LIMD1: variants seen among roughly 807,000 people sequenced by gnomAD.
The protein encoded by LIMD1 is LIM domain-containing protein 1.
In LIMD1, 23 loss-of-function variants were observed where a neutral mutation model predicts 58.4. The observed-to-expected ratio is 0.39, with a 90% CI of 0.28 to 0.56. The LOEUF is 0.56. LIMD1 is among the 20% of genes least tolerant of loss of function. LIMD1 has a pLI of 0.57. For synonymous variants in LIMD1, 334 were observed against 345.5 expected (o/e 0.97, Z 0.37); for missense variants, 838 against 855.5 (o/e 0.98, Z 0.25).
chr3:45,606,373 G>A (rs1026322906), intron 1 of LIMD1, among the ~76,000 whole-genome samples: 1 of 152,194 alleles, frequency 6.6e-6, no homozygotes, highest in African/African-American at 2.4e-5. Flanking sequence ...GTAGGTCAAG[G>A]CTGAGGTCTT....
intron 1 of LIMD1, among the ~76,000 whole-genome samples, chr3:45,608,110 A>G (rs967808529): frequency 1.3e-5 from 2 of 152,226 alleles, no homozygotes; most frequent in Non-Finnish European, 2.9e-5. Flanking sequence ...TTATCTTTAC[A>G]TTAAATGTGG....
Position 45,594,828 on chromosome 3 carries a change from C to A in LIMD1, c.-52C>A, listed in dbSNP as rs916523123. On this transcript the variant is annotated 5_prime_UTR_variant, in exon 1 of 8. Transcript: ENST00000273317. ...ACACACACACACACACACACACACA[C>A]ACACACACACACACACGGCACCTGG... 1.1e-5 allele frequency: 10 copies of A among 894,980 alleles called. No individual in the cohort carries two copies. Among genetic ancestry groups the A allele is most frequent in the South Asian group, 3.2e-5 (2 of 62,516 alleles). 55.4% of individuals were successfully genotyped at this position (894,980 alleles called of 1,614,324 possible).
chr3:45,675,507 C>A (rs1697655420), intron 7 of LIMD1, among the ~76,000 whole-genome samples: 1 of 151,896 alleles, frequency 6.6e-6, no homozygotes, highest in Admixed American at 6.6e-5. Flanking sequence ...CCAGCCTGGG[C>A]AACAGAGCAA....
chr3:45,620,738 A>G (rs1433398724), intron 1 of LIMD1, among the ~76,000 whole-genome samples: 2 of 152,250 alleles, frequency 1.3e-5, no homozygotes, highest in African/African-American at 4.8e-5. Context: ...CAAAAAACAA[A>G]CAAAAAGAAT....
At chr3:45,618,258 G>A (rs764032447) in intron 1 of LIMD1, among the ~76,000 whole-genome samples, 3 of 152,204 alleles carry the variant, frequency 2.0e-5, no homozygotes, top group Non-Finnish European at 2.9e-5. Context: ...GTCAGATTGC[G>A]TGCGTCATTC....
At chr3:45,662,161 T>C (rs537501393) in intron 2 of LIMD1, among the ~76,000 whole-genome samples, 6 of 152,232 alleles carry the variant, frequency 3.9e-5, no homozygotes, top group Non-Finnish European at 8.8e-5. Context: ...ACCCATTTTT[T>C]ATATAGGACT....
chr3:45,675,926 T>G lies in LIMD1; in HGVS notation c.1894-996T>G, dbSNP rs559319172. 2.6e-5 allele frequency among the ~76,000 whole-genome samples: 4 copies of G among 152,076 alleles called. 1 individual carries two copies. The South Asian group carries it at 8.3e-4, about 32-fold the overall frequency. On this transcript the variant is annotated intron_variant, in intron 7 of 7. Coordinates refer to ENST00000273317, the MANE Select transcript of LIMD1 (RefSeq NM_014240.3). ...CTAGGATCGTGTCACTGCACTCTACTCTGGGTGACACAGCAAGACCCTGTC... is the reference window on the plus strand; with the variant it reads ...CTAGGATCGTGTCACTGCACTCTACGCTGGGTGACACAGCAAGACCCTGTC...
At position 45,668,307 on chromosome 3, in the gene LIMD1, A is replaced by G; in HGVS notation, c.1592A>G (p.Gln531Arg). 6.2e-7 allele frequency: 1 copy of G among 1,612,958 alleles called. No individual in the cohort carries two copies. The highest frequency in any genetic ancestry group is 1.1e-5 in the South Asian group (1 of 91,006). Reference protein sequence around the residue: ...CEEDFLYSGFQQSADRCFLCG... With the variant: ...CEEDFLYSGFRQSADRCFLCG... ...TTTCTTCTGCAGTACTCTGGTTTCC[A>G]GCAGTCGGCTGACAGGTGTTTTCTT... The change falls in exon 4 of 8, where the codon CAG becomes CGG. Residue 531 changes from glutamine (Q) to arginine (R), a missense_variant. Physicochemically the swap from Gln to Arg is conservative, Grantham distance 43. Around this residue, in one of 3 missense-constraint regions of LIMD1, gnomAD observed 174 missense variants for 197.4 expected, o/e 0.88. Coordinates refer to ENST00000273317, the MANE Select transcript of LIMD1 (RefSeq NM_014240.3).
In LIMD1 at chr3:45,594,849, C is replaced by A; in HGVS notation, c.-31C>A. Reference sequence around the variant, plus strand: ...CACACACACACACACACACACGGCACCTGGGCTAGGCCCGGACACCTGTCT... The same window carrying A: ...CACACACACACACACACACACGGCAACTGGGCTAGGCCCGGACACCTGTCT... On this transcript the variant is annotated 5_prime_UTR_variant, in exon 1 of 8. Transcript: ENST00000273317. The A allele has an allele frequency of 7.4e-7, 1 of 1,351,554 alleles. No homozygotes were observed. The highest frequency in any genetic ancestry group is 1.0e-6 in the Non-Finnish European group (1 of 994,346). 83.7% of individuals were successfully genotyped at this position (1,351,554 alleles called of 1,614,324 possible).
At chr3:45,657,388 T>C (rs879660163) in intron 2 of LIMD1, among the ~76,000 whole-genome samples, 11 of 151,920 alleles carry the variant, frequency 7.2e-5, no homozygotes, top group Non-Finnish European at 1.5e-4. Context: ...CGGCCAGATA[T>C]GGTAACTCAC....
intron 1 of LIMD1, among the ~76,000 whole-genome samples, chr3:45,635,245 A>C (rs546421043): frequency 5.7e-4 from 86 of 152,006 alleles, no homozygotes; most frequent in Non-Finnish European, 7.6e-4. Context: ...CTCAAAAAAA[A>C]GTTCTCTCTC....
intron 5 of LIMD1, 112 bp downstream of exon 5, chr3:45,672,932 G>A: frequency 7.8e-7 from 1 of 1,285,754 alleles, no homozygotes; most frequent in Non-Finnish European, 1.1e-6. Flanking sequence ...TTAGATCACA[G>A]TCCAGCAAAG....
At chr3:45,617,034 A>ATTTT (rs35895557) in intron 1 of LIMD1, among the ~76,000 whole-genome samples, 2 of 114,140 alleles carry the variant, frequency 1.8e-5, no homozygotes, top group Non-Finnish European at 1.8e-5. Flanking sequence ...TGCCTGGCCT[A>ATTTT]TTTTTTTTTT....
chr3:45,629,155 T>G (rs914475235), intron 1 of LIMD1, among the ~76,000 whole-genome samples: 1 of 152,066 alleles, frequency 6.6e-6, no homozygotes, highest in African/African-American at 2.4e-5. Context: ...GGTTCACGCC[T>G]GTATTCCCAG....
chr3:45,682,143 A>G lies in LIMD1; in HGVS notation c.*5084A>G, dbSNP rs1168578184. 2.0e-5 allele frequency: 3 copies of G among 152,224 alleles called. No homozygotes were observed. The highest frequency in any genetic ancestry group is 4.4e-5 in the Non-Finnish European group (3 of 68,054). 9.4% of individuals were successfully genotyped at this position (152,224 alleles called of 1,614,324 possible). A position where few individuals can be genotyped will look rare whatever the true frequency, so the allele number is the denominator to read the frequency against. On this transcript the variant is annotated 3_prime_UTR_variant, in exon 8 of 8. Coordinates refer to ENST00000273317, the MANE Select transcript of LIMD1 (RefSeq NM_014240.3). ...TGGGAGTGAGGATACTCATAGTCAT[A>G]GCACCTTACACCAGAATAAAAGTTT...
At chr3:45,654,453 CTT>C (rs1702005291) in intron 2 of LIMD1, among the ~76,000 whole-genome samples, 1 of 152,134 alleles carries the variant, frequency 6.6e-6, no homozygotes, top group Admixed American at 6.6e-5. Context: ...GTCCTTAACT[CTT>C]GTTTCCTTTG....
At chr3:45,663,974 G>A (rs974769454) in intron 2 of LIMD1, among the ~76,000 whole-genome samples, 2 of 150,740 alleles carry the variant, frequency 1.3e-5, no homozygotes, top group African/African-American at 2.4e-5. Context: ...AGGTGCAGGC[G>A]ATTCTCCTGC....
intron 1 of LIMD1, among the ~76,000 whole-genome samples, chr3:45,611,265 C>G (rs1258258552): frequency 6.6e-6 from 1 of 152,208 alleles, no homozygotes; most frequent in Non-Finnish European, 1.5e-5. Context: ...ACCAAGTGAG[C>G]CCACTGAGGC....
rs1297002805 is a variant in LIMD1 at position 45,680,301 on chromosome 3, C to G, written c.*3242C>G. 6.6e-6 allele frequency: 1 copy of G among 152,020 alleles called. No homozygotes were observed. Among genetic ancestry groups the G allele is most frequent in the Non-Finnish European group, 1.5e-5 (1 of 68,050 alleles). The allele number at this position is 152,020 out of a possible 1,614,324, so 9.4% of individuals were successfully genotyped here. On this transcript the variant is annotated 3_prime_UTR_variant, in exon 8 of 8. Coordinates refer to ENST00000273317, the MANE Select transcript of LIMD1 (RefSeq NM_014240.3). The stretch of plus-strand genomic sequence containing the variant: ...GTTAAAACTCTATCTGCCAGGAAAC[C>G]AAATTTTCTTTTCTTTTCTTTTTTT...
Sources: gnomAD v4.1 joint callset for allele counts (sites outside exome capture counted in the v4.1 genomes callset) on GRCh38, gnomAD v4.1.1 for gene constraint, gnomAD v4.1.1 regional missense constraint, MANE v1.5 for transcripts, NCBI Gene and HGNC (gene_info 2026-07-23, HGNC 2026-07-21) for gene names.